PRCP: variants seen among roughly 807,000 people sequenced by gnomAD.
PRCP encodes the protein lysosomal Pro-X carboxypeptidase.
A neutral mutation model predicts 54.2 loss-of-function variants in PRCP; 46 were observed. That is an observed-to-expected ratio of 0.85 (90% CI 0.67 to 1.09). The LOEUF (loss-of-function observed/expected upper bound fraction) is 1.09, where lower values mean the gene tolerates loss of function less well. Ranked by LOEUF, PRCP falls within the 50% of genes least tolerant of loss-of-function variation. The pLI is 0.00. For missense variants in PRCP, 613 were observed against 596.8 expected, an observed-to-expected ratio of 1.03 and a Z score of -0.28; for synonymous variants, 240 against 212.2, an observed-to-expected ratio of 1.13 and a Z score of -1.14.
chr11:82,884,942 A>G, intron 1 of PRCP: 1 of 1,597,612 alleles, frequency 6.3e-7, no homozygotes. Context: ...TTTTACTAGC[A>G]CACACCTCCC....
At chr11:82,827,926 G>T (rs953475691) in intron 8 of PRCP, 3 of 152,176 alleles carry the variant, frequency 2.0e-5, no homozygotes, top group African/African-American at 4.8e-5. Flanking sequence ...TTTAAAGGAA[G>T]CAATTTTTAA....
chr11:82,860,767 G>C (rs1158540115), intron 1 of PRCP, among the ~76,000 whole-genome samples: 1 of 152,028 alleles, frequency 6.6e-6, no homozygotes. Flanking sequence ...GCACACCATA[G>C]ATATTCTAAG....
intron 2 of PRCP, among the ~76,000 whole-genome samples, chr11:82,857,286 T>G (rs192776652): frequency 6.6e-6 from 1 of 152,362 alleles, no homozygotes; most frequent in South Asian, 2.1e-4. Flanking sequence ...GCATTTCATA[T>G]GAATTAATTC....
At chr11:82,872,514 A>G (rs1273223781) in intron 1 of PRCP, among the ~76,000 whole-genome samples, 4 of 152,214 alleles carry the variant, frequency 2.6e-5, no homozygotes, top group Non-Finnish European at 4.4e-5. Flanking sequence ...TAAGACACAG[A>G]TGCACAAAAG....
intron 1 of PRCP, among the ~76,000 whole-genome samples, chr11:82,872,891 C>T (rs187358147): frequency 7.0e-4 from 106 of 152,216 alleles, no homozygotes; most frequent in African/African-American, 2.5e-3. Flanking sequence ...ACAGAAAATA[C>T]AAAGAGCCAG....
intron 1 of PRCP, among the ~76,000 whole-genome samples, chr11:82,880,752 G>A (rs1859729384): frequency 6.6e-6 from 1 of 151,018 alleles, no homozygotes; most frequent in Non-Finnish European, 1.5e-5. Flanking sequence ...ATATTGAGAA[G>A]GAAAACAAAA....
chr11:82,881,231 A>G (rs1357508365), intron 1 of PRCP, among the ~76,000 whole-genome samples: 4 of 152,208 alleles, frequency 2.6e-5, no homozygotes, highest in African/African-American at 7.2e-5. Flanking sequence ...CAGAATTTGA[A>G]ATTATTTCTA....
At chr11:82,862,350 C>CAGATTT (rs1565227432) in intron 1 of PRCP, among the ~76,000 whole-genome samples, 1 of 152,152 alleles carries the variant, frequency 6.6e-6, no homozygotes, top group Non-Finnish European at 1.5e-5. Context: ...TCTGAATTTA[C>CAGATTT]AGATTTACCC....
intron 1 of PRCP, among the ~76,000 whole-genome samples, chr11:82,870,039 T>C (rs1197658964): frequency 4.6e-5 from 7 of 152,222 alleles, no homozygotes; most frequent in Non-Finnish European, 1.0e-4. Context: ...CTAATCAGCA[T>C]TTTACCAAAG....
At chr11:82,864,839 A>T (rs1369224291) in intron 1 of PRCP, among the ~76,000 whole-genome samples, 1 of 152,230 alleles carries the variant, frequency 6.6e-6, no homozygotes, top group Admixed American at 6.5e-5. Flanking sequence ...AAAAGAGACC[A>T]TCCTTTAAAT....
intron 6 of PRCP, among the ~76,000 whole-genome samples, chr11:82,845,172 G>GA (rs1353886236): frequency 6.6e-6 from 1 of 152,140 alleles, no homozygotes; most frequent in Non-Finnish European, 1.5e-5. Context: ...AAATAGTTGA[G>GA]AAAATAGAAC....
intron 1 of PRCP, among the ~76,000 whole-genome samples, chr11:82,881,799 T>A (rs1173848112): frequency 1.3e-5 from 2 of 151,780 alleles, no homozygotes; most frequent in Admixed American, 1.3e-4. Context: ...AACAGGAGAG[T>A]GCAACTGACC....
At position 82,838,493 on chromosome 11, in the gene PRCP, G is replaced by T. The variant is rs769912130; in HGVS notation, c.1168C>A (p.Leu390Ile). The T allele has an allele frequency of 5.0e-6, 8 of 1,613,972 alleles. No individual in the cohort carries two copies. The Admixed American group carries it at 5.0e-5, about 10-fold the overall frequency. ...CACTGTTGAAAACAGTCATCAGAAA[G>T]TTCCTTTAAGTTCCATGAGTGAGGT... is the stretch of plus-strand genomic sequence containing the variant. ...FEPHSWNLKE[L>I]SDDCFQQWGV... is the part of the protein sequence containing the mutation. Residue 390 changes from leucine to isoleucine, a missense_variant, in exon 8 of 9, where the codon CTT (leucine) becomes ATT (isoleucine). Physicochemically the swap from Leu to Ile is conservative, Grantham distance 5 (BLOSUM62 2). Coordinates refer to ENST00000313010, the MANE Select transcript of PRCP (RefSeq NM_005040.4).
At chr11:82,863,518 G>T (rs1859258600) in intron 1 of PRCP, among the ~76,000 whole-genome samples, 1 of 152,220 alleles carries the variant, frequency 6.6e-6, no homozygotes, top group African/African-American at 2.4e-5. Context: ...GCCTTCCCAT[G>T]AGATTCTTGA....
intron 8 of PRCP, chr11:82,836,833 C>G (rs1858539678): frequency 5.7e-6 from 2 of 352,508 alleles, no homozygotes; most frequent in Non-Finnish European, 1.1e-5. Flanking sequence ...CAGGAGTGAG[C>G]CACTGCATCC....
rs1184356541 is a variant in PRCP at position 82,824,351 on chromosome 11, A to G, written c.*555T>C. On this transcript the variant is annotated 3_prime_UTR_variant, in exon 9 of 9. Coordinates refer to ENST00000313010, the MANE Select transcript of PRCP (RefSeq NM_005040.4). Reference sequence around the variant, plus strand: ...CAGCCGGAGTTGAAGTGAGCTTCAGAAGCAACACACAGGTATAAGGTCCAG... The same window carrying G: ...CAGCCGGAGTTGAAGTGAGCTTCAGGAGCAACACACAGGTATAAGGTCCAG... 2 of 153,730 alleles carry G rather than the reference A, an allele frequency of 1.3e-5. No individual in the cohort carries two copies. The highest frequency in any genetic ancestry group is 2.4e-5 in the African/African-American group (1 of 41,464). 9.5% of individuals were successfully genotyped at this position (153,730 alleles called of 1,614,324 possible).
chr11:82,838,349 C>T (rs1225387811), intron 8 of PRCP, 38 bp downstream of exon 8: 1 of 1,551,504 alleles, frequency 6.4e-7, no homozygotes, highest in South Asian at 1.2e-5. Flanking sequence ...ACAAATGTTC[C>T]ACCAACTGAA....
intron 8 of PRCP, among the ~76,000 whole-genome samples, chr11:82,832,343 C>T (rs1858407567): frequency 6.6e-6 from 1 of 152,180 alleles, no homozygotes; most frequent in Non-Finnish European, 1.5e-5. Context: ...CTTCCTATTT[C>T]CCCACACCCT....
chr11:82,900,782 C>G (rs1200925963), upstream of PRCP: 3 of 473,032 alleles, frequency 6.3e-6, no homozygotes, highest in Non-Finnish European at 8.4e-6. Flanking sequence ...ATATCCCTAC[C>G]ATTATCATCA....
Sources: gnomAD v4.1 joint callset for allele counts (sites outside exome capture counted in the v4.1 genomes callset) on GRCh38, gnomAD v4.1.1 for gene constraint, MANE v1.5 for transcripts, NCBI Gene and HGNC (gene_info 2026-07-23, HGNC 2026-07-21) for gene names.